The following PTPRD variants were observed in gnomAD, a reference collection of about 807,000 sequenced individuals.
The protein encoded by PTPRD is protein tyrosine phosphatase receptor type D.
PTPRD carries 34 observed loss-of-function variants against 214.5 expected under a neutral mutation model. That is an observed-to-expected ratio of 0.16 (90% CI 0.12 to 0.21). PTPRD has a LOEUF of 0.21. PTPRD is among the 10% of genes least tolerant of loss of function. The probability of loss-of-function intolerance (pLI) is 1.00; values close to 1 mark genes in which losing one functional copy is unlikely to be tolerated. For missense variants in PTPRD, 2,545 were observed against 2,398.7 expected, an observed-to-expected ratio of 1.06 and a Z score of -1.27; for synonymous variants, 1,128 against 845.7, an observed-to-expected ratio of 1.33 and a Z score of -5.79.
At chr9:9,173,528 G>T (rs961998412) in intron 10 of PTPRD, among the ~76,000 whole-genome samples, 4 of 152,034 alleles carry the variant, frequency 2.6e-5, no homozygotes, top group Non-Finnish European at 5.9e-5. Context: ...TAGCTATATG[G>T]TATAGCCTAC....
chr9:9,941,852 C>A (rs958988332), intron 4 of PTPRD, among the ~76,000 whole-genome samples: 2 of 152,132 alleles, frequency 1.3e-5, no homozygotes, highest in African/African-American at 4.8e-5. Context: ...AAAAGCACTA[C>A]AATTGATTGA....
chr9:8,618,888 G>T (rs998575644), intron 14 of PTPRD, among the ~76,000 whole-genome samples: 24 of 141,952 alleles, frequency 1.7e-4, no homozygotes, highest in African/African-American at 6.1e-4. Flanking sequence ...GTGTGTGTGT[G>T]TGTGTGTGTT....
chr9:9,536,409 GA>G (rs1402892343), intron 8 of PTPRD, among the ~76,000 whole-genome samples: 3 of 151,918 alleles, frequency 2.0e-5, no homozygotes, highest in Non-Finnish European at 4.4e-5. Context: ...CATATTAAAG[GA>G]CAGGAATTAA....
Position 10,289,629 on chromosome 9 carries a change from A to C in PTPRD, c.-545+51334T>G, listed in dbSNP as rs144750065. On this transcript the variant is annotated intron_variant, in intron 3 of 45. Coordinates refer to ENST00000381196, the MANE Select transcript of PTPRD (RefSeq NM_002839.4). ...GGAAAAAGAAGAGAAAAAGAAAAAG[A>C]AAATGACTTCTAATATCGGAAGGTT... Among the ~76,000 whole-genome samples, 12 of 152,340 alleles carry C rather than the reference A, an allele frequency of 7.9e-5. No individual in the cohort carries two copies. The East Asian group carries it at 2.3e-3, about 29-fold the overall frequency.
At chr9:9,442,141 G>A (rs897918603) in intron 8 of PTPRD, 1 of 152,266 alleles carries the variant, frequency 6.6e-6, no homozygotes, top group African/African-American at 2.4e-5. Context: ...AGGAGTTCTG[G>A]GCTGTAGTGC....
intron 3 of PTPRD, among the ~76,000 whole-genome samples, chr9:10,202,101 C>T (rs1264636289): frequency 6.6e-6 from 1 of 152,016 alleles, no homozygotes; most frequent in Non-Finnish European, 1.5e-5. Context: ...GAAAGAGAAG[C>T]TCAATGAAGT....
At chr9:10,036,461 A>G (rs1387945885) in intron 3 of PTPRD, among the ~76,000 whole-genome samples, 2 of 151,930 alleles carry the variant, frequency 1.3e-5, no homozygotes, top group Non-Finnish European at 2.9e-5. Flanking sequence ...CTGATCACTT[A>G]GATATCAAAA....
At chr9:9,000,543 C>T (rs1567509504) in intron 11 of PTPRD, among the ~76,000 whole-genome samples, 1 of 151,982 alleles carries the variant, frequency 6.6e-6, no homozygotes, top group Non-Finnish European at 1.5e-5. Context: ...TAAGGATCTG[C>T]ATCACTAACA....
intron 8 of PTPRD, among the ~76,000 whole-genome samples, chr9:9,404,757 G>C (rs573474614): frequency 6.6e-6 from 1 of 152,104 alleles, no homozygotes; most frequent in African/African-American, 2.4e-5. Flanking sequence ...TGAAGTCAAG[G>C]GAATTGGAGA....
intron 2 of PTPRD, among the ~76,000 whole-genome samples, chr9:10,497,697 AATT>A (rs1288803804): frequency 2.0e-5 from 3 of 152,034 alleles, no homozygotes; most frequent in African/African-American, 7.2e-5. Context: ...GAGAATATAA[AATT>A]ATGTTTAAAA....
chr9:9,544,381 T>C lies in PTPRD; in HGVS notation c.-237+30351A>G, dbSNP rs550172931. 3.3e-5 allele frequency among the ~76,000 whole-genome samples: 5 copies of C among 151,826 alleles called. No homozygotes were observed. In the East Asian group the frequency reaches 5.8e-4, roughly 18 times the overall value. On this transcript the variant is annotated intron_variant, in intron 8 of 45. Coordinates refer to ENST00000381196, the MANE Select transcript of PTPRD (RefSeq NM_002839.4). The stretch of plus-strand genomic sequence containing the variant: ...TCCCAAAATAATTACTTTGTATAAA[T>C]ATTTTAAGTCCGACTTCATTTTGAT...
At chr9:10,140,638 G>T (rs1010718169) in intron 3 of PTPRD, among the ~76,000 whole-genome samples, 2 of 152,080 alleles carry the variant, frequency 1.3e-5, no homozygotes, top group African/African-American at 4.8e-5. Context: ...TCCAGGACCA[G>T]ATGGATTGAC....
In PTPRD at chr9:8,664,237, C is replaced by G. The variant is rs193049245; in HGVS notation, c.65-27393G>C. On this transcript the variant is annotated intron_variant, in intron 12 of 45. Transcript: ENST00000381196. ...ATATCAGAATCTTCTCTTAATAAGC[C>G]TTTAAAAAAATGACCAAGCATCATA... Among the ~76,000 whole-genome samples the G allele has an allele frequency of 1.1e-3, 173 of 152,246 alleles. 1 individual carries two copies. The highest frequency in any genetic ancestry group is 3.8e-3 in the African/African-American group (158 of 41,556).
At chr9:8,403,976 C>T (rs2130521831) in intron 36 of PTPRD, among the ~76,000 whole-genome samples, 1 of 152,262 alleles carries the variant, frequency 6.6e-6, no homozygotes, top group East Asian at 1.9e-4. Context: ...TATAAAACAT[C>T]AACTACATTA....
At chr9:8,765,566 C>T (rs1056193151) in intron 11 of PTPRD, among the ~76,000 whole-genome samples, 3 of 152,176 alleles carry the variant, frequency 2.0e-5, no homozygotes, top group Non-Finnish European at 4.4e-5. Context: ...CAATATTCCC[C>T]CAGCCTAGCC....
intron 11 of PTPRD, among the ~76,000 whole-genome samples, chr9:8,906,680 C>G (rs922179302): frequency 2.6e-5 from 4 of 152,058 alleles, no homozygotes; most frequent in African/African-American, 4.8e-5. Flanking sequence ...CCATTTGTCC[C>G]TGCTCCCTTC....
intron 3 of PTPRD, among the ~76,000 whole-genome samples, chr9:10,176,736 A>G (rs1366726336): frequency 2.6e-5 from 4 of 152,022 alleles, no homozygotes; most frequent in Non-Finnish European, 5.9e-5. Context: ...TCTCTATAAA[A>G]GACAAGCTCC....
intron 3 of PTPRD, among the ~76,000 whole-genome samples, chr9:10,218,838 A>G (rs1183924528): frequency 2.0e-5 from 3 of 151,846 alleles, no homozygotes; most frequent in Non-Finnish European, 4.4e-5. Flanking sequence ...TATTATAAAA[A>G]CAGTTAAGGT....
intron 4 of PTPRD, among the ~76,000 whole-genome samples, chr9:9,997,538 C>G (rs367822202): frequency 6.6e-6 from 1 of 152,272 alleles, no homozygotes; most frequent in East Asian, 1.9e-4. Context: ...GTCTGCCCAC[C>G]TCAGCCTCCC....
Sources: gnomAD v4.1 joint callset for allele counts (sites outside exome capture counted in the v4.1 genomes callset) on GRCh38, gnomAD v4.1.1 for gene constraint, MANE v1.5 for transcripts, NCBI Gene and HGNC (gene_info 2026-07-23, HGNC 2026-07-21) for gene names.